SLC8A1: variants seen among roughly 807,000 people sequenced by gnomAD.
SLC8A1 encodes the protein sodium/calcium exchanger 1.
SLC8A1 carries 18 observed loss-of-function variants against 68.3 expected under a neutral mutation model. That is an observed-to-expected ratio of 0.26 (90% confidence interval 0.18 to 0.39). SLC8A1 has a LOEUF of 0.39. Ranked by LOEUF, SLC8A1 falls within the 10% of genes least tolerant of loss-of-function variation. SLC8A1 has a pLI of 1.00. For missense variants in SLC8A1, 985 were observed against 1,156.7 expected (o/e 0.85, Z 2.15); for synonymous variants, 475 against 415.5 (o/e 1.14, Z -1.74).
intron 6 of SLC8A1, among the ~76,000 whole-genome samples, chr2:40,151,701 A>G (rs969000142): frequency 4.6e-5 from 7 of 152,334 alleles, no homozygotes; most frequent in Admixed American, 2.0e-4. Context: ...GGCCAAAGCA[A>G]TTTAGAAACC....
At chr2:40,287,582 A>ATGTG (rs10522914) in intron 2 of SLC8A1, among the ~76,000 whole-genome samples, 1,315 of 127,554 alleles carry the variant, frequency 0.01, 21 homozygotes, top group Middle Eastern at 0.019. Context: ...CAGAGGAATG[A>ATGTG]TGTGTGTGTG....
At chr2:40,309,295 C>T (rs1351183889) in intron 2 of SLC8A1, among the ~76,000 whole-genome samples, 1 of 152,062 alleles carries the variant, frequency 6.6e-6, no homozygotes, top group East Asian at 1.9e-4. Flanking sequence ...TTGCAGCTTC[C>T]TGTTGCTGCT....
upstream of SLC8A1, among the ~76,000 whole-genome samples, chr2:40,454,016 G>C (rs145770480): frequency 1.2e-3 from 190 of 152,310 alleles, no homozygotes; most frequent in African/African-American, 4.3e-3. Context: ...AACTTGGTTA[G>C]ACTACACTTA....
chr2:40,167,900 T>C (rs758303427), intron 4 of SLC8A1, among the ~76,000 whole-genome samples: 44 of 152,180 alleles, frequency 2.9e-4, no homozygotes, highest in Non-Finnish European at 5.1e-4. Flanking sequence ...CTCACTGAGA[T>C]AGAACAATAA....
chr2:40,293,440 C>T (rs918334802), intron 2 of SLC8A1, among the ~76,000 whole-genome samples: 4 of 152,104 alleles, frequency 2.6e-5, no homozygotes, highest in African/African-American at 9.7e-5. Context: ...GTTAAATAAA[C>T]CTTAATCTAA....
intron 2 of SLC8A1, among the ~76,000 whole-genome samples, chr2:40,319,575 T>C (rs752120242): frequency 6.6e-6 from 1 of 151,994 alleles, no homozygotes; most frequent in Non-Finnish European, 1.5e-5. Flanking sequence ...AATGAAAGAG[T>C]AGATGCCTCA....
At chr2:40,270,305 A>G (rs1020588997) in intron 2 of SLC8A1, among the ~76,000 whole-genome samples, 28 of 152,206 alleles carry the variant, frequency 1.8e-4, no homozygotes, top group Non-Finnish European at 2.9e-4. Flanking sequence ...TCCTTTTCTA[A>G]TGCTGCTGTA....
chr2:40,195,819 C>G (rs573320974), intron 2 of SLC8A1: 1 of 152,134 alleles, frequency 6.6e-6, no homozygotes, highest in South Asian at 2.1e-4. Flanking sequence ...GTCATGCATT[C>G]TGAAGTGGTA....
intron 2 of SLC8A1, among the ~76,000 whole-genome samples, chr2:40,323,763 T>C (rs758667038): frequency 6.6e-6 from 1 of 152,080 alleles, no homozygotes; most frequent in Non-Finnish European, 1.5e-5. Flanking sequence ...CCTAAATCCA[T>C]TGCTGAGATT....
At chr2:40,115,666 C>G (rs754873460) in intron 7 of SLC8A1, 37 bp from the exon 11 acceptor site, 1 of 1,577,064 alleles carries the variant, frequency 6.3e-7, no homozygotes, top group Admixed American at 1.7e-5. Flanking sequence ...GACACTCAAT[C>G]TTTTAGAGAT....
intron 2 of SLC8A1, among the ~76,000 whole-genome samples, chr2:40,294,037 T>C (rs1442275176): frequency 2.0e-5 from 3 of 152,092 alleles, no homozygotes; most frequent in South Asian, 2.1e-4. Flanking sequence ...AAGCTATGAA[T>C]GGTAAGAGGG....
chr2:40,407,746 A>C (rs553681839), intron 2 of SLC8A1, among the ~76,000 whole-genome samples: 13 of 152,322 alleles, frequency 8.5e-5, no homozygotes, highest in African/African-American at 2.9e-4. Flanking sequence ...CTTTGTGAAT[A>C]TTCAGTGAAT....
chr2:40,212,266 C>G (rs1293190430), intron 2 of SLC8A1, among the ~76,000 whole-genome samples: 3 of 137,076 alleles, frequency 2.2e-5, no homozygotes, highest in Admixed American at 7.7e-5. Flanking sequence ...AGGTGCTAAA[C>G]AGAAGAGATG....
intron 2 of SLC8A1, among the ~76,000 whole-genome samples, chr2:40,278,258 C>T (rs534423150): frequency 3.9e-5 from 6 of 152,006 alleles, no homozygotes; most frequent in Non-Finnish European, 8.8e-5. Flanking sequence ...ATCATGAGGT[C>T]AAGAGATAGA....
At chr2:40,439,255 G>A (rs970896295) in intron 1 of SLC8A1, among the ~76,000 whole-genome samples, 16 of 152,082 alleles carry the variant, frequency 1.1e-4, no homozygotes, top group African/African-American at 3.6e-4. Context: ...GGATTACTAG[G>A]TCACTACATT....
chr2:40,288,124 T>C (rs1212247305), intron 2 of SLC8A1, among the ~76,000 whole-genome samples: 1 of 152,118 alleles, frequency 6.6e-6, no homozygotes, highest in Non-Finnish European at 1.5e-5. Context: ...GTTCTGGTAA[T>C]ACAAGTGCCT....
intron 2 of SLC8A1, among the ~76,000 whole-genome samples, chr2:40,224,787 C>T: frequency 6.6e-6 from 1 of 152,056 alleles, no homozygotes; most frequent in Non-Finnish European, 1.5e-5. Context: ...TGCAATCTAT[C>T]CATCTGACAA....
intron 2 of SLC8A1, chr2:40,255,136 G>A (rs2063688698): frequency 6.6e-6 from 1 of 151,872 alleles, no homozygotes; most frequent in Non-Finnish European, 1.5e-5. Flanking sequence ...CTAGTTGTTG[G>A]TTAATGTCTG....
chr2:40,447,713 A>G (rs1486235794), intron 1 of SLC8A1, among the ~76,000 whole-genome samples: 1 of 152,196 alleles, frequency 6.6e-6, no homozygotes, highest in African/African-American at 2.4e-5. Context: ...ATTCAAATGA[A>G]TGGTTCTAAT....
Sources: allele counts gnomAD v4.1 joint callset (sites outside exome capture counted in the v4.1 genomes callset), GRCh38; gene constraint gnomAD v4.1.1; transcripts MANE v1.5; gene names NCBI Gene and HGNC (gene_info 2026-07-23, HGNC 2026-07-21).